NUP153: variants seen among roughly 807,000 people sequenced by gnomAD.
NUP153 encodes the protein nuclear pore complex protein Nup153.
In NUP153, 27 loss-of-function variants were observed where a neutral mutation model predicts 134.6. The ratio of observed to expected loss-of-function variants is 0.20; its 90% confidence interval spans 0.15 to 0.28. NUP153 has a LOEUF of 0.28. Ranked by LOEUF, NUP153 falls within the 10% of genes least tolerant of loss-of-function variation. The pLI, the probability that NUP153 is intolerant of heterozygous loss-of-function variation, is 1.00. For synonymous variants in NUP153, 640 were observed against 623.5 expected (o/e 1.03, Z -0.40); for missense variants, 1,821 against 1,731.3 (o/e 1.05, Z -0.92).
At chr6:17,652,180 A>T (rs1766534176) in intron 11 of NUP153, among the ~76,000 whole-genome samples, 1 of 152,202 alleles carries the variant, frequency 6.6e-6, no homozygotes, top group Non-Finnish European at 1.5e-5. Context: ...AAAAATGAAT[A>T]AGAACAAAGA....
At chr6:17,655,983 T>A (rs905540184) in intron 11 of NUP153, among the ~76,000 whole-genome samples, 1 of 152,016 alleles carries the variant, frequency 6.6e-6, no homozygotes, top group Admixed American at 6.6e-5. Context: ...GGTGGGTGGA[T>A]CTCTTGAGGT....
chr6:17,647,935 C>A (rs1427294082), intron 12 of NUP153, 30 bp from the exon 13 acceptor site: 1 of 1,366,332 alleles, frequency 7.3e-7, no homozygotes, highest in Admixed American at 1.8e-5. Flanking sequence ...AGAAATGATA[C>A]AAAAAGAGCT....
chr6:17,633,855 C>G (rs1765385224), intron 16 of NUP153, among the ~76,000 whole-genome samples: 1 of 152,136 alleles, frequency 6.6e-6, no homozygotes, highest in South Asian at 2.1e-4. Context: ...AACCAAATTG[C>G]TCCCTGGGGT....
chr6:17,644,411 A>T (rs920180404), intron 14 of NUP153, among the ~76,000 whole-genome samples: 4 of 152,212 alleles, frequency 2.6e-5, no homozygotes, highest in African/African-American at 4.8e-5. Context: ...TCAGAATAAA[A>T]TCCAATTCAT....
chr6:17,684,394 C>T (rs1401514618), intron 2 of NUP153, among the ~76,000 whole-genome samples: 2 of 152,174 alleles, frequency 1.3e-5, no homozygotes, highest in African/African-American at 4.8e-5. Context: ...TGGCTTCCAG[C>T]TTTTCTCCTG....
At chr6:17,640,421 T>G (rs189064607) in intron 14 of NUP153, among the ~76,000 whole-genome samples, 1 of 152,324 alleles carries the variant, frequency 6.6e-6, no homozygotes, top group Admixed American at 6.5e-5. Context: ...TACACAACAA[T>G]TTACAAAACT....
chr6:17,685,064 T>A (rs765779180), intron 2 of NUP153, among the ~76,000 whole-genome samples: 1 of 152,194 alleles, frequency 6.6e-6, no homozygotes, highest in Non-Finnish European at 1.5e-5. Context: ...ATGGCACTGA[T>A]CAACTTTCTT....
At chr6:17,626,691 T>A (rs114176609) in intron 18 of NUP153, among the ~76,000 whole-genome samples, 8 of 152,316 alleles carry the variant, frequency 5.3e-5, no homozygotes, top group South Asian at 2.1e-4. Flanking sequence ...ACTAGACTGT[T>A]TTAATTATTA....
At chr6:17,662,889 C>G (rs1313120934) in intron 9 of NUP153, among the ~76,000 whole-genome samples, 5 of 152,124 alleles carry the variant, frequency 3.3e-5, no homozygotes, top group Non-Finnish European at 7.4e-5. Flanking sequence ...GGCTTCTATA[C>G]TTCAAAATTA....
At chr6:17,620,977 T>C (rs1274724920) in intron 20 of NUP153, among the ~76,000 whole-genome samples, 1 of 152,162 alleles carries the variant, frequency 6.6e-6, no homozygotes, top group Non-Finnish European at 1.5e-5. Flanking sequence ...AGGGGACTAA[T>C]ATCCAGAATA....
At chr6:17,662,651 C>T (rs569094400) in intron 9 of NUP153, among the ~76,000 whole-genome samples, 40 of 152,154 alleles carry the variant, frequency 2.6e-4, no homozygotes, top group African/African-American at 9.2e-4. Context: ...TTATTCATTA[C>T]GAAAGGTAAA....
intron 17 of NUP153, among the ~76,000 whole-genome samples, 193 bp downstream of exon 17, chr6:17,632,457 T>C (rs1367616702): frequency 6.6e-6 from 1 of 152,166 alleles, no homozygotes; most frequent in East Asian, 1.9e-4. Context: ...ACCTCACTGT[T>C]GACAAGCAAC....
rs1184927869 is a variant in NUP153, at chr6:17,706,438, G to C, written c.-51C>G. ...CCGGGGCGGGTAAGGGGGCGGGAGA[G>C]GCAGAGGCGGAGGCCTTAGAGAGCC... On this transcript the variant is annotated 5_prime_UTR_variant, in exon 1 of 22. Transcript: ENST00000262077. The surrounding 1 kb of genome is among the most constrained non-coding windows in gnomAD (Gnocchi z 5.9). 2 of 1,469,950 alleles carry C rather than the reference G, an allele frequency of 1.4e-6. No homozygotes were observed. Among genetic ancestry groups the C allele is most frequent in the Admixed American group, 3.5e-5 (2 of 57,710 alleles). The allele number at this position is 1,469,950 out of a possible 1,614,324, so 91.1% of individuals were successfully genotyped here.
chr6:17,706,224 C>G lies in NUP153; in HGVS notation c.111+53G>C. ...GCCGGGGCCTCGAACCGCCCGTCCC[C>G]TCCAGCCGAGTTTCCCCACCCGCCA... On this transcript the variant is annotated intron_variant, in intron 1 of 21. Coordinates refer to ENST00000262077, the MANE Select transcript of NUP153 (RefSeq NM_005124.4). This position sits in a 1 kb window ranked among gnomAD's most constrained non-coding sequence, Gnocchi z 5.9. 4 of 1,471,090 alleles carry G rather than the reference C, an allele frequency of 2.7e-6. No homozygotes were observed. The highest frequency in any genetic ancestry group is 3.8e-6 in the Non-Finnish European group (4 of 1,053,080). The allele number at this position is 1,471,090 out of a possible 1,614,324, so 91.1% of individuals were successfully genotyped here.
intron 1 of NUP153, among the ~76,000 whole-genome samples, chr6:17,702,657 C>T (rs1770193452): frequency 1.3e-5 from 2 of 151,864 alleles, no homozygotes; most frequent in Admixed American, 6.6e-5. Context: ...GCCTGGGCAA[C>T]AGATGCAAAA....
chr6:17,669,419 T>A lies in NUP153; in HGVS notation c.969+11A>T, dbSNP rs1431827165. On this transcript the variant is annotated intron_variant, in intron 6 of 21. Coordinates refer to ENST00000262077, the MANE Select transcript of NUP153 (RefSeq NM_005124.4). ...TACACTCCTGTATTAATCGTGATTT[T>A]AAAAATTTACCGCTAAAGGGCTTGA... The A allele has an allele frequency of 1.9e-6, 3 of 1,609,482 alleles. No individual in the cohort carries two copies. Among genetic ancestry groups the A allele is most frequent in the South Asian group, 1.1e-5 (1 of 90,982 alleles).
intron 1 of NUP153, among the ~76,000 whole-genome samples, chr6:17,689,102 C>A (rs890071181): frequency 1.3e-5 from 2 of 151,884 alleles, no homozygotes; most frequent in Non-Finnish European, 2.9e-5. Context: ...CTAAAACAAT[C>A]TGGCCAAGCG....
Position 17,647,821 on chromosome 6 carries a change from G to A in NUP153, c.1618C>T (p.Leu540=), listed in dbSNP as rs769983051. 6.3e-7 allele frequency: 1 copy of A among 1,594,736 alleles called. No homozygotes were observed. The highest frequency in any genetic ancestry group is 1.3e-5 in the African/African-American group (1 of 74,544). The change falls in exon 13 of 22, where the codon CTA becomes TTA. Residue 540 remains leucine, a synonymous_variant. Coordinates refer to ENST00000262077, the MANE Select transcript of NUP153 (RefSeq NM_005124.4). ...TTGTTACTTACAGATGATGGAGGTA[G>A]TACATTTGCCTCAGTAGATTTTACG... The part of the protein sequence containing the change: ...PIVKSTEANV[L]PPSSIGFTFS...
rs1235635209 is a variant in NUP153, at chr6:17,686,403, C to CT, written c.334+1992dup. ...TTGTTAACAAACCTTTTTTTTATTT[C>CT]TTTTTTTTTTTTGAGACGGAGTCTC... On this transcript the variant is annotated intron_variant, in intron 2 of 21. Transcript: ENST00000262077. 6.1e-3 allele frequency among the ~76,000 whole-genome samples: 880 copies of CT among 144,772 alleles called. 7 individuals carry two copies. Among genetic ancestry groups the CT allele is most frequent in the African/African-American group, 0.018 (726 of 39,782 alleles). 95.0% of individuals were successfully genotyped at this position (144,772 alleles called of 152,430 possible).
Sources: allele counts gnomAD v4.1 joint callset (sites outside exome capture counted in the v4.1 genomes callset), GRCh38; gene constraint gnomAD v4.1.1; non-coding constraint Gnocchi (gnomAD v3.1); transcripts MANE v1.5; gene names NCBI Gene and HGNC (gene_info 2026-07-23, HGNC 2026-07-21).